DPP10: variants seen among roughly 807,000 people sequenced by gnomAD.
The protein encoded by DPP10 is dipeptidyl peptidase like 10, also known as inactive dipeptidyl peptidase 10.
In DPP10, 33 loss-of-function variants were observed where a neutral mutation model predicts 120.9. That is an observed-to-expected ratio of 0.27 (90% CI 0.21 to 0.37). The LOEUF (loss-of-function observed/expected upper bound fraction) is 0.37. Among genes scored for constraint, DPP10 ranks in the 10% least tolerant of loss-of-function variants. The probability of loss-of-function intolerance (pLI) is 1.00; values close to 1 mark genes in which losing one functional copy is unlikely to be tolerated. For missense variants in DPP10, 816 were observed against 942.8 expected (o/e 0.87, Z 1.76); for synonymous variants, 337 against 326.1 (o/e 1.03, Z -0.36).
intron 1 of DPP10, among the ~76,000 whole-genome samples, chr2:115,104,876 C>G (rs374471104): frequency 5.9e-5 from 9 of 151,970 alleles, no homozygotes; most frequent in African/African-American, 1.9e-4. Context: ...CGTGGAGGCA[C>G]GCACCTGTAG....
chr2:114,714,264 A>G lies in DPP10; in HGVS notation c.60+271426A>G, dbSNP rs558084930. ...CATCTCCAGCAACATAGTGGCAGCC[A>G]AAGTTTTTTATAGGAAAAATAATCT... On this transcript the variant is annotated intron_variant, in intron 1 of 25. Transcript: ENST00000410059. Among the ~76,000 whole-genome samples the G allele has an allele frequency of 3.3e-5, 5 of 152,294 alleles. No homozygotes were observed. The East Asian group carries it at 9.7e-4, about 29-fold the overall frequency.
chr2:114,648,850 C>G (rs1696343663), intron 1 of DPP10, among the ~76,000 whole-genome samples: 1 of 152,178 alleles, frequency 6.6e-6, no homozygotes, highest in Non-Finnish European at 1.5e-5. Context: ...AGTGAAGCCA[C>G]TATCCATTTA....
At chr2:115,070,580 AC>A (rs1661330856) in intron 1 of DPP10, among the ~76,000 whole-genome samples, 1 of 152,188 alleles carries the variant, frequency 6.6e-6, no homozygotes, top group South Asian at 2.1e-4. Flanking sequence ...TTGATCAGAC[AC>A]ATTTATTGGC....
chr2:115,597,828 C>G (rs2083080884), intron 5 of DPP10, among the ~76,000 whole-genome samples: 1 of 151,900 alleles, frequency 6.6e-6, no homozygotes, highest in Non-Finnish European at 1.5e-5. Context: ...CTAAGTGATT[C>G]CTTCATCAGA....
At chr2:115,130,757 T>C (rs1194155312) in intron 1 of DPP10, among the ~76,000 whole-genome samples, 2 of 152,120 alleles carry the variant, frequency 1.3e-5, no homozygotes, top group Non-Finnish European at 2.9e-5. Context: ...CCATTCTATA[T>C]TCCTTAGCTG....
At chr2:115,355,282 G>A (rs537809668) in intron 3 of DPP10, among the ~76,000 whole-genome samples, 22 of 152,172 alleles carry the variant, frequency 1.4e-4, no homozygotes, top group African/African-American at 5.1e-4. Context: ...ATATCATTGT[G>A]GTTTTGATTT....
At chr2:115,650,000 GT>G (rs2087612047) in intron 5 of DPP10, among the ~76,000 whole-genome samples, 1 of 151,884 alleles carries the variant, frequency 6.6e-6, no homozygotes, top group African/African-American at 2.4e-5. Flanking sequence ...AATTCAATGA[GT>G]TTTTGGATTT....
chr2:115,139,821 T>C (rs2050832915), intron 1 of DPP10, among the ~76,000 whole-genome samples: 1 of 144,722 alleles, frequency 6.9e-6, no homozygotes, highest in Non-Finnish European at 1.5e-5. Context: ...ATCAGCCTCC[T>C]CCCATCAGTA....
At chr2:115,355,382 G>T (rs1009955465) in intron 3 of DPP10, among the ~76,000 whole-genome samples, 1 of 151,944 alleles carries the variant, frequency 6.6e-6, no homozygotes, top group Non-Finnish European at 1.5e-5. Context: ...TCTGTTCTTA[G>T]CCTTTGCCCA....
intron 1 of DPP10, among the ~76,000 whole-genome samples, chr2:115,246,862 A>G (rs191667704): frequency 6.6e-6 from 1 of 152,274 alleles, no homozygotes; most frequent in African/African-American, 2.4e-5. Context: ...AAATCAAATG[A>G]CGTGGCTTCG....
intron 11 of DPP10, among the ~76,000 whole-genome samples, chr2:115,760,746 G>A (rs1362786856): frequency 6.6e-6 from 1 of 152,064 alleles, no homozygotes; most frequent in Non-Finnish European, 1.5e-5. Context: ...ATTTCTCCAC[G>A]TATTTGTTAA....
chr2:114,724,377 A>C (rs539325070), intron 1 of DPP10, among the ~76,000 whole-genome samples: 22 of 152,238 alleles, frequency 1.4e-4, no homozygotes, highest in Non-Finnish European at 3.2e-4. Context: ...CAGGATGGCT[A>C]AATAGTATAA....
chr2:115,084,610 G>T (rs559653308), intron 1 of DPP10, among the ~76,000 whole-genome samples: 14 of 152,272 alleles, frequency 9.2e-5, no homozygotes, highest in Middle Eastern at 3.4e-3. Context: ...AACATATGGT[G>T]CTAGCTCAGA....
intron 1 of DPP10, among the ~76,000 whole-genome samples, chr2:114,728,779 G>T (rs563118926): frequency 6.6e-6 from 1 of 152,152 alleles, no homozygotes; most frequent in South Asian, 2.1e-4. Flanking sequence ...GTCTCATTCC[G>T]TATAGTTGGA....
intron 3 of DPP10, among the ~76,000 whole-genome samples, chr2:115,409,524 T>G (rs2068781969): frequency 6.6e-6 from 1 of 152,208 alleles, no homozygotes. Flanking sequence ...GACATTGGCA[T>G]AGATCTTGTG....
Position 115,046,597 on chromosome 2 carries a change from A to G in DPP10, c.61-262642A>G, listed in dbSNP as rs555240444. Among the ~76,000 whole-genome samples, 6 of 152,296 alleles carry G rather than the reference A, an allele frequency of 3.9e-5. No homozygotes were observed. In the East Asian group the frequency reaches 7.7e-4, roughly 20 times the overall value. Reference sequence around the variant, plus strand: ...AACCACAGAATTCACCTTAGTTTGTACTTTGAATAGTTAATGCTTGGCAGT... The same window carrying G: ...AACCACAGAATTCACCTTAGTTTGTGCTTTGAATAGTTAATGCTTGGCAGT... On this transcript the variant is annotated intron_variant, in intron 1 of 25. Coordinates refer to ENST00000410059, the MANE Select transcript of DPP10 (RefSeq NM_020868.6).
intron 1 of DPP10, among the ~76,000 whole-genome samples, chr2:114,574,371 C>T (rs1558895551): frequency 6.6e-6 from 1 of 152,164 alleles, no homozygotes. Flanking sequence ...AGCGTCAGCG[C>T]CGCTTGCCCA....
At chr2:114,930,617 T>A (rs1695997883) in intron 1 of DPP10, among the ~76,000 whole-genome samples, 1 of 152,248 alleles carries the variant, frequency 6.6e-6, no homozygotes, top group South Asian at 2.1e-4. Flanking sequence ...ACAACCATTG[T>A]CTTAGTTCAT....
At chr2:115,544,917 C>T (rs906762059) in intron 5 of DPP10, among the ~76,000 whole-genome samples, 2 of 151,932 alleles carry the variant, frequency 1.3e-5, no homozygotes, top group Admixed American at 6.6e-5. Flanking sequence ...GCTGTTTATC[C>T]TCAGAAAGTT....
Sources: gnomAD v4.1 joint callset for allele counts (sites outside exome capture counted in the v4.1 genomes callset) on GRCh38, gnomAD v4.1.1 for gene constraint, MANE v1.5 for transcripts, NCBI Gene and HGNC (gene_info 2026-07-23, HGNC 2026-07-21) for gene names.